CGNL1: variants seen among roughly 807,000 people sequenced by gnomAD.
The protein encoded by CGNL1 is cingulin-like protein 1.
CGNL1 carries 132 observed loss-of-function variants against 141.2 expected under a neutral mutation model. The ratio of observed to expected loss-of-function variants is 0.93; its 90% CI spans 0.81 to 1.08. The LOEUF is 1.08. Among genes scored for constraint, CGNL1 ranks in the 50% least tolerant of loss-of-function variants. The probability of loss-of-function intolerance (pLI) is 0.00; values close to 1 mark genes in which losing one functional copy is unlikely to be tolerated. For synonymous variants in CGNL1, 690 were observed against 622.1 expected, an observed-to-expected ratio of 1.11 and a Z score of -1.63; for missense variants, 1,870 against 1,588.6, an observed-to-expected ratio of 1.18 and a Z score of -3.01.
Position 57,498,874 on chromosome 15 carries a change from G to A in CGNL1, c.2404-17906G>A, listed in dbSNP as rs1319104612. Among the ~76,000 whole-genome samples the A allele has an allele frequency of 3.3e-5, 5 of 152,128 alleles. No homozygotes were observed. The East Asian group carries it at 5.8e-4, about 18-fold the overall frequency. On this transcript the variant is annotated intron_variant, in intron 8 of 18. Transcript: ENST00000281282. ...GCCAGTAGAAGGATGGGGTGGGTGA[G>A]GAGGAGGAGTGTGGTGTGAGATGGG... is the stretch of plus-strand genomic sequence containing the variant.
chr15:57,449,171 C>T (rs1243547065), intron 4 of CGNL1, among the ~76,000 whole-genome samples: 1 of 152,150 alleles, frequency 6.6e-6, no homozygotes. Flanking sequence ...CCTAATAGGT[C>T]TTCTCTGCAG....
chr15:57,460,350 G>A (rs2063429926), intron 7 of CGNL1, among the ~76,000 whole-genome samples: 1 of 152,220 alleles, frequency 6.6e-6, no homozygotes, highest in African/African-American at 2.4e-5. Flanking sequence ...GGGCAGTTGT[G>A]AAGTAGAGGC....
chr15:57,420,506 A>G (rs1170535810), intron 1 of CGNL1, among the ~76,000 whole-genome samples: 1 of 152,180 alleles, frequency 6.6e-6, no homozygotes, highest in Non-Finnish European at 1.5e-5. Flanking sequence ...GCAGACTCCC[A>G]CCACCTGGCA....
intron 1 of CGNL1, among the ~76,000 whole-genome samples, chr15:57,409,330 C>T (rs1243135320): frequency 3.3e-5 from 5 of 152,164 alleles, no homozygotes; most frequent in Non-Finnish European, 7.3e-5. Context: ...GGGGCCTGGT[C>T]TTGAATTCCA....
chr15:57,536,220 A>T (rs2032250828), intron 14 of CGNL1, among the ~76,000 whole-genome samples: 1 of 151,986 alleles, frequency 6.6e-6, no homozygotes, highest in African/African-American at 2.4e-5. Context: ...CACAGGAAAA[A>T]CCTACCCCCG....
intron 1 of CGNL1, among the ~76,000 whole-genome samples, chr15:57,411,242 A>G (rs1211265893): frequency 6.6e-6 from 1 of 152,148 alleles, no homozygotes; most frequent in Non-Finnish European, 1.5e-5. Flanking sequence ...ACAGCTGTCT[A>G]GAGCCTTCCT....
chr15:57,461,509 G>A (rs2063445631), intron 7 of CGNL1, among the ~76,000 whole-genome samples, 171 bp from the exon 8 acceptor site: 1 of 152,196 alleles, frequency 6.6e-6, no homozygotes, highest in South Asian at 2.1e-4. Flanking sequence ...TCTGAGAAAT[G>A]CAGGGGGAGA....
intron 4 of CGNL1, among the ~76,000 whole-genome samples, chr15:57,446,866 A>T (rs1271142654): frequency 6.6e-6 from 1 of 152,094 alleles, no homozygotes; most frequent in South Asian, 2.1e-4. Context: ...TGTAATACTT[A>T]GACTCTTTTC....
rs760251365 is a variant in CGNL1 at position 57,452,174 on chromosome 15, A to T, written c.1939A>T (p.Met647Leu). 1.9e-6 allele frequency: 3 copies of T among 1,613,832 alleles called. No homozygotes were observed. Among genetic ancestry groups the T allele is most frequent in the Middle Eastern group, 1.7e-4 (1 of 6,060 alleles). Residue 647 changes from methionine to leucine, a missense_variant, in exon 6 of 19, where the codon ATG becomes TTG. Coordinates refer to ENST00000281282, the MANE Select transcript of CGNL1 (RefSeq NM_032866.5). ...QQNIKEERER[M>L]RANLEELRSQ... ...GAACATTAAAGAAGAGAGAGAGAGG[A>T]TGAGAGCAAACCTAGAAGAGCTCCG...
chr15:57,420,391 G>A (rs1406438206), intron 1 of CGNL1, among the ~76,000 whole-genome samples: 1 of 152,104 alleles, frequency 6.6e-6, no homozygotes, highest in Non-Finnish European at 1.5e-5. Context: ...TACAAATCAG[G>A]TGAAACATGA....
chr15:57,418,370 C>G (rs950439874), intron 1 of CGNL1, among the ~76,000 whole-genome samples: 1 of 152,106 alleles, frequency 6.6e-6, no homozygotes, highest in South Asian at 2.1e-4. Flanking sequence ...CAATTCCTTT[C>G]TGTTTCTCTT....
intron 14 of CGNL1, among the ~76,000 whole-genome samples, chr15:57,543,246 G>A (rs1302405081): frequency 9.0e-6 from 1 of 110,508 alleles, no homozygotes; most frequent in Non-Finnish European, 2.2e-5. Context: ...CCATCTTCAC[G>A]TGGCCGTCTT....
At chr15:57,432,588 T>C (rs1470055334) in intron 1 of CGNL1, among the ~76,000 whole-genome samples, 2 of 152,220 alleles carry the variant, frequency 1.3e-5, no homozygotes, top group Non-Finnish European at 2.9e-5. Context: ...ACTGCCAAAT[T>C]ATGTAAGCCT....
Position 57,545,586 on chromosome 15 carries a change from T to C in CGNL1, c.3501-6T>C, listed in dbSNP as rs1215201741. 1 of 1,611,598 alleles carries C rather than the reference T, an allele frequency of 6.2e-7. No individual in the cohort carries two copies. Among genetic ancestry groups the C allele is most frequent in the Non-Finnish European group, 8.5e-7 (1 of 1,179,232 alleles). ...AGGGTTCTTGGTTCTGTCTCCCCTC[T>C]TCCAGGGATCGGGCCAATCTTCAGC... On this transcript the variant is annotated splice_region_variant and splice_polypyrimidine_tract_variant and intron_variant, in intron 16 of 18. Transcript: ENST00000281282.
chr15:57,493,514 C>A (rs977109969), intron 8 of CGNL1, among the ~76,000 whole-genome samples: 4 of 152,172 alleles, frequency 2.6e-5, no homozygotes, highest in African/African-American at 9.7e-5. Context: ...ACAATGATCT[C>A]AATGGTCAGA....
At chr15:57,532,154 A>G (rs1226314438) in intron 14 of CGNL1, among the ~76,000 whole-genome samples, 1 of 152,220 alleles carries the variant, frequency 6.6e-6, no homozygotes, top group East Asian at 1.9e-4. Context: ...TAGGCGTACA[A>G]CTGGGTAAGT....
At chr15:57,526,754 A>C (rs2031638863) in intron 12 of CGNL1, among the ~76,000 whole-genome samples, 1 of 152,136 alleles carries the variant, frequency 6.6e-6, no homozygotes, top group South Asian at 2.1e-4. Flanking sequence ...CATGCTAGTT[A>C]ATCTCTTCTG....
In CGNL1 at chr15:57,528,748, T is replaced by C; in HGVS notation, c.3134T>C (p.Leu1045Pro). The C allele has an allele frequency of 6.2e-7, 1 of 1,614,122 alleles. No individual in the cohort carries two copies. Among genetic ancestry groups the C allele is most frequent in the Non-Finnish European group, 8.5e-7 (1 of 1,180,010 alleles). The change falls in exon 13 of 19, where the codon CTG becomes CCG. Residue 1045 changes from leucine (L) to proline (P), a missense_variant. Coordinates refer to ENST00000281282, the MANE Select transcript of CGNL1 (RefSeq NM_032866.5). ...CTTCTGGAGCAGACGCTGAAGGACC[T>C]GGAGTATGAGCTGGAAGCCAAGAGT... is the stretch of plus-strand genomic sequence containing the variant. ...RQLLEQTLKD[L>P]EYELEAKSHL...
chr15:57,442,181 T>TAAAAAAAAAAA (rs1567120591), intron 3 of CGNL1, among the ~76,000 whole-genome samples, 192 bp from the exon 4 acceptor site: 3 of 20,584 alleles, frequency 1.5e-4, no homozygotes, highest in Non-Finnish European at 2.7e-4. Flanking sequence ...ATCATTTATT[T>TAAAAAAAAAAA]GAAAAAAAAA....
Sources: allele counts gnomAD v4.1 joint callset (sites outside exome capture counted in the v4.1 genomes callset), GRCh38; gene constraint gnomAD v4.1.1; transcripts MANE v1.5; gene names NCBI Gene and HGNC (gene_info 2026-07-23, HGNC 2026-07-21).